SRGAP3: variants seen among roughly 807,000 people sequenced by gnomAD.
SRGAP3 encodes SLIT-ROBO Rho GTPase activating protein 3.
A neutral mutation model predicts 121.1 loss-of-function variants in SRGAP3; 39 were observed. The ratio of observed to expected loss-of-function variants is 0.32; its 90% CI spans 0.25 to 0.42. The LOEUF (loss-of-function observed/expected upper bound fraction) is 0.42, where lower values mean the gene tolerates loss of function less well. Among genes scored for constraint, SRGAP3 ranks in the 10% least tolerant of loss-of-function variants. The pLI is 1.00. For missense variants in SRGAP3, 1,213 were observed against 1,470.6 expected (o/e 0.82, Z 2.86); for synonymous variants, 601 against 570.0 (o/e 1.05, Z -0.77).
chr3:9,118,971 T>G (rs992454987), intron 2 of SRGAP3, among the ~76,000 whole-genome samples: 1 of 152,178 alleles, frequency 6.6e-6, no homozygotes, highest in African/African-American at 2.4e-5. Context: ...ATCACTTGCC[T>G]TTCATTCATT....
At chr3:9,200,463 T>A in intron 1 of SRGAP3, among the ~76,000 whole-genome samples, 1 of 152,092 alleles carries the variant, frequency 6.6e-6, no homozygotes. Context: ...AAGACCATAG[T>A]AAATGTGAGT....
chr3:8,990,410 G>C lies in SRGAP3; in HGVS notation c.2886+102C>G. 5 of 1,427,384 alleles carry C rather than the reference G, an allele frequency of 3.5e-6. No homozygotes were observed. The South Asian group carries it at 6.2e-5, about 18-fold the overall frequency. The allele number at this position is 1,427,384 out of a possible 1,614,324, so 88.4% of individuals were successfully genotyped here. On this transcript the variant is annotated intron_variant, in intron 21 of 21. Transcript: ENST00000383836. ...CTCTCCTGTTCTCTGGCTTAGCCAT[G>C]AGCCTGGCATAAAGGCCAAGGTGGC...
chr3:9,041,801 G>T (rs73013369), intron 10 of SRGAP3, among the ~76,000 whole-genome samples: 1 of 152,244 alleles, frequency 6.6e-6, no homozygotes, highest in Non-Finnish European at 1.5e-5. Context: ...ATTACAAAAC[G>T]TTAAGAGAAA....
chr3:9,281,353 C>T (rs1169236831), intron 3 of SRGAP3, among the ~76,000 whole-genome samples: 4 of 152,140 alleles, frequency 2.6e-5, no homozygotes, highest in Admixed American at 2.0e-4. Flanking sequence ...TTTTACAGAT[C>T]GGAAAACAGA....
At chr3:9,178,782 C>A (rs1951274504) in intron 1 of SRGAP3, among the ~76,000 whole-genome samples, 1 of 152,170 alleles carries the variant, frequency 6.6e-6, no homozygotes, top group Non-Finnish European at 1.5e-5. Flanking sequence ...CCTCTTCTAA[C>A]CTCAAGGCCC....
intron 6 of SRGAP3, chr3:9,058,714 C>CT (rs71049768): frequency 0.038 from 7,989 of 210,954 alleles, 57 homozygotes; most frequent in East Asian, 0.048. Flanking sequence ...TTCTCTCTCT[C>CT]TTTTTTTTTT....
At chr3:9,246,560 C>T (rs1161222595) in intron 1 of SRGAP3, among the ~76,000 whole-genome samples, 2 of 152,174 alleles carry the variant, frequency 1.3e-5, no homozygotes, top group African/African-American at 4.8e-5. Context: ...AGTCATTTAA[C>T]ATTAACTGGG....
chr3:9,087,748 A>G (rs1947565027), intron 3 of SRGAP3, among the ~76,000 whole-genome samples: 1 of 152,134 alleles, frequency 6.6e-6, no homozygotes, highest in South Asian at 2.1e-4. Context: ...GGAACTACTG[A>G]GGGTTGTTGA....
intron 2 of SRGAP3, among the ~76,000 whole-genome samples, chr3:9,117,102 C>G (rs1203150284): frequency 6.6e-6 from 1 of 152,212 alleles, no homozygotes; most frequent in Non-Finnish European, 1.5e-5. Flanking sequence ...AAAGCCATTA[C>G]TAGCTTGATA....
At chr3:9,127,526 C>T (rs1949282357) in intron 1 of SRGAP3, among the ~76,000 whole-genome samples, 1 of 152,186 alleles carries the variant, frequency 6.6e-6, no homozygotes, top group Admixed American at 6.5e-5. Context: ...CCACTCACTG[C>T]AACCTCCGCC....
intron 3 of SRGAP3, among the ~76,000 whole-genome samples, chr3:9,259,000 T>C (rs775925544): frequency 2.0e-5 from 3 of 152,220 alleles, no homozygotes; most frequent in African/African-American, 4.8e-5. Flanking sequence ...CCCACGGGAT[T>C]GGGCATCCGC....
intron 1 of SRGAP3, among the ~76,000 whole-genome samples, chr3:9,179,662 G>A (rs1951307208): frequency 6.6e-6 from 1 of 152,216 alleles, no homozygotes; most frequent in Admixed American, 6.5e-5. Context: ...TGTACAATGG[G>A]TATAACAGCT....
At chr3:9,010,225 G>T in intron 18 of SRGAP3, 83 bp downstream of exon 18, 1 of 1,507,398 alleles carries the variant, frequency 6.6e-7, no homozygotes, top group Non-Finnish European at 9.2e-7. Context: ...GTCTATGTGG[G>T]CCAGCCCTGT....
intron 3 of SRGAP3, chr3:9,257,271 G>A (rs956198645): frequency 1.9e-5 from 3 of 153,942 alleles, no homozygotes; most frequent in African/African-American, 7.2e-5. Context: ...GAGGTAATTA[G>A]GGTTAAATGA....
chr3:9,108,121 G>A (rs1948481327), intron 2 of SRGAP3, among the ~76,000 whole-genome samples: 1 of 152,128 alleles, frequency 6.6e-6, no homozygotes, highest in South Asian at 2.1e-4. Context: ...GGGGGAGACT[G>A]CCAGACTAAG....
At chr3:9,228,216 G>C (rs1235145028) in intron 1 of SRGAP3, among the ~76,000 whole-genome samples, 1 of 152,132 alleles carries the variant, frequency 6.6e-6, no homozygotes, top group Non-Finnish European at 1.5e-5. Context: ...AGGGGCTCAA[G>C]AGCACATACC....
At chr3:9,073,754 C>T (rs915320520) in intron 4 of SRGAP3, among the ~76,000 whole-genome samples, 2 of 152,234 alleles carry the variant, frequency 1.3e-5, no homozygotes, top group South Asian at 4.1e-4. Context: ...TGAGATGAAA[C>T]AATCTCCAAA....
chr3:9,089,418 C>A (rs1947649955), intron 3 of SRGAP3, among the ~76,000 whole-genome samples: 1 of 150,686 alleles, frequency 6.6e-6, no homozygotes, highest in East Asian at 2.0e-4. Context: ...GCACTCATAG[C>A]AACTTACTAT....
chr3:9,268,252 C>T (rs1954402760), intron 3 of SRGAP3, among the ~76,000 whole-genome samples: 1 of 151,962 alleles, frequency 6.6e-6, no homozygotes, highest in African/African-American at 2.4e-5. Flanking sequence ...GTTGGAGCCT[C>T]AGGATGGGAT....
Sources: allele counts gnomAD v4.1 joint callset (sites outside exome capture counted in the v4.1 genomes callset), GRCh38; gene constraint gnomAD v4.1.1; transcripts MANE v1.5; gene names NCBI Gene and HGNC (gene_info 2026-07-23, HGNC 2026-07-21).